MAGI2: variants seen among roughly 807,000 people sequenced by gnomAD.
MAGI2 encodes the protein membrane-associated guanylate kinase, WW and PDZ domain-containing protein 2.
MAGI2 carries 35 observed loss-of-function variants against 133.3 expected under a neutral mutation model. That is an observed-to-expected ratio of 0.26 (90% CI 0.20 to 0.35). MAGI2 has a LOEUF of 0.35. Among genes scored for constraint, MAGI2 ranks in the 10% least tolerant of loss-of-function variants. MAGI2 has a pLI of 1.00. For synonymous variants in MAGI2, 729 were observed against 710.6 expected, an observed-to-expected ratio of 1.03 and a Z score of -0.41; for missense variants, 1,636 against 1,863.4, an observed-to-expected ratio of 0.88 and a Z score of 2.25.
At chr7:78,619,522 A>G (rs2150934730) in intron 3 of MAGI2, among the ~76,000 whole-genome samples, 1 of 152,078 alleles carries the variant, frequency 6.6e-6, no homozygotes, top group African/African-American at 2.4e-5. Context: ...TATATGATTT[A>G]TATGATAATA....
At chr7:78,069,267 C>T (rs1251388179) in intron 21 of MAGI2, among the ~76,000 whole-genome samples, 5 of 152,076 alleles carry the variant, frequency 3.3e-5, no homozygotes, top group Admixed American at 6.6e-5. Context: ...CTGGCCTTTA[C>T]AATAGAGCTA....
intron 2 of MAGI2, among the ~76,000 whole-genome samples, chr7:78,861,377 A>C (rs1467148011): frequency 6.6e-6 from 1 of 152,160 alleles, no homozygotes; most frequent in Non-Finnish European, 1.5e-5. Flanking sequence ...GTAGAATTTT[A>C]CATAATGCTT....
intron 1 of MAGI2, among the ~76,000 whole-genome samples, chr7:79,205,816 TTATAAC>T (rs1269248609): frequency 6.6e-6 from 1 of 151,516 alleles, no homozygotes; most frequent in East Asian, 1.9e-4. Flanking sequence ...AAATAACCTG[TTATAAC>T]TATAAGATGA....
intron 3 of MAGI2, among the ~76,000 whole-genome samples, chr7:78,550,900 G>T (rs998644905): frequency 1.3e-5 from 2 of 151,986 alleles, no homozygotes; most frequent in Non-Finnish European, 2.9e-5. Flanking sequence ...CTTCTTCTAA[G>T]CATGCATTTA....
In MAGI2 at chr7:78,526,485, A is replaced by G. The variant is rs578020990; in HGVS notation, c.539-4840T>C. ...GTTTAATATCAAATTCCACTAACTTATTGAGTACAACAAAATGATACATAA... is the reference window on the plus strand; with the variant it reads ...GTTTAATATCAAATTCCACTAACTTGTTGAGTACAACAAAATGATACATAA... On this transcript the variant is annotated intron_variant, in intron 3 of 21. Coordinates refer to ENST00000354212, the MANE Select transcript of MAGI2 (RefSeq NM_012301.4). Among the ~76,000 whole-genome samples, 68 of 152,346 alleles carry G rather than the reference A, an allele frequency of 4.5e-4. 2 individuals are homozygous for G. The South Asian group carries it at 0.014, about 32-fold the overall frequency.
At chr7:78,380,209 A>G (rs1228203020) in intron 6 of MAGI2, among the ~76,000 whole-genome samples, 1 of 151,920 alleles carries the variant, frequency 6.6e-6, no homozygotes, top group African/African-American at 2.4e-5. Flanking sequence ...TACAAAATAG[A>G]CTATTTCTTT....
chr7:79,226,929 A>T (rs1830912362), intron 1 of MAGI2, among the ~76,000 whole-genome samples: 1 of 152,170 alleles, frequency 6.6e-6, no homozygotes, highest in Non-Finnish European at 1.5e-5. Flanking sequence ...ATTCTTTTGT[A>T]ATGTTTATTT....
At chr7:79,003,824 C>T (rs772028816) in intron 2 of MAGI2, among the ~76,000 whole-genome samples, 1 of 152,078 alleles carries the variant, frequency 6.6e-6, no homozygotes, top group Non-Finnish European at 1.5e-5. Context: ...AGAAGACATG[C>T]AAATGGCCAA....
chr7:78,219,740 A>T (rs530928967), intron 10 of MAGI2, among the ~76,000 whole-genome samples: 1 of 152,126 alleles, frequency 6.6e-6, no homozygotes, highest in Admixed American at 6.5e-5. Flanking sequence ...GCTCATTGCA[A>T]ATTTGTCCAT....
rs372424505 is a variant in MAGI2, at chr7:79,435,743, A to G, written c.301+17277T>C. On this transcript the variant is annotated intron_variant, in intron 1 of 21. Transcript: ENST00000354212. The stretch of plus-strand genomic sequence containing the variant: ...TCAAACTACCAACATCATTTTTCTC[A>G]GAATTAGAAACAAAATTTATTATAA... Among the ~76,000 whole-genome samples, 11 of 152,192 alleles carry G rather than the reference A, an allele frequency of 7.2e-5. No individual in the cohort carries two copies. The East Asian group carries it at 1.3e-3, about 19-fold the overall frequency.
chr7:78,501,123 A>G (rs1011186362), intron 5 of MAGI2, among the ~76,000 whole-genome samples: 14 of 151,966 alleles, frequency 9.2e-5, no homozygotes, highest in Non-Finnish European at 1.6e-4. Flanking sequence ...CAACATCAAT[A>G]TTTTTTCTTT....
intron 3 of MAGI2, among the ~76,000 whole-genome samples, chr7:78,582,250 A>T (rs914331610): frequency 3.9e-5 from 6 of 152,202 alleles, no homozygotes; most frequent in Admixed American, 1.3e-4. Context: ...ACCAGTCTTC[A>T]GGTATAAGGC....
intron 1 of MAGI2, among the ~76,000 whole-genome samples, chr7:79,089,552 C>A (rs1020509347): frequency 9.2e-5 from 14 of 151,910 alleles, no homozygotes; most frequent in African/African-American, 3.4e-4. Context: ...TTTGAACCGA[C>A]CCAAATGTCC....
At chr7:79,264,238 A>G (rs1834284785) in intron 1 of MAGI2, among the ~76,000 whole-genome samples, 1 of 152,168 alleles carries the variant, frequency 6.6e-6, no homozygotes, top group Admixed American at 6.5e-5. Flanking sequence ...TCTATATTCT[A>G]TGAATCTCCT....
chr7:79,347,238 G>T (rs1007662075), intron 1 of MAGI2, among the ~76,000 whole-genome samples: 1 of 151,826 alleles, frequency 6.6e-6, no homozygotes, highest in Non-Finnish European at 1.5e-5. Flanking sequence ...CAGAAAAATA[G>T]CACGCTAAAA....
Position 79,402,142 on chromosome 7 carries a change from T to C in MAGI2, c.301+50878A>G, listed in dbSNP as rs542966659. 2.0e-5 allele frequency among the ~76,000 whole-genome samples: 3 copies of C among 152,256 alleles called. No homozygotes were observed. The South Asian group carries it at 6.2e-4, about 32-fold the overall frequency. ...AGCAGATATCCTTTTTAGTTCTTTT[T>C]TTAAGGCTCTATAGTTCTAGGAAAA... On this transcript the variant is annotated intron_variant, in intron 1 of 21. Transcript: ENST00000354212.
chr7:79,191,598 A>T (rs80042422), intron 1 of MAGI2, among the ~76,000 whole-genome samples: 1,632 of 149,930 alleles, frequency 0.011, 42 homozygotes, highest in African/African-American at 0.038. Flanking sequence ...ATTTCTTTTA[A>T]AATAAAATCT....
intron 2 of MAGI2, among the ~76,000 whole-genome samples, chr7:78,952,762 A>G (rs753227590): frequency 2.0e-5 from 3 of 152,182 alleles, no homozygotes; most frequent in Non-Finnish European, 4.4e-5. Context: ...AAACTATTTT[A>G]ATGTAAAGTT....
intron 21 of MAGI2, among the ~76,000 whole-genome samples, chr7:78,061,428 ACACACACAC>A (rs1260214948): frequency 1.8e-5 from 2 of 110,444 alleles, no homozygotes; most frequent in African/African-American, 5.6e-5. Context: ...ACACACACAC[ACACACACAC>A]ACACACACAC....
Sources: gnomAD v4.1 joint callset for allele counts (sites outside exome capture counted in the v4.1 genomes callset) on GRCh38, gnomAD v4.1.1 for gene constraint, MANE v1.5 for transcripts, NCBI Gene and HGNC (gene_info 2026-07-23, HGNC 2026-07-21) for gene names.